The following EYS variants were observed in gnomAD, a reference collection of about 807,000 sequenced individuals.
EYS encodes protein eyes shut homolog.
Under a neutral mutation model 282.1 loss-of-function variants are expected in EYS, and 250 were observed. The ratio of observed to expected loss-of-function variants is 0.89; its 90% CI spans 0.80 to 0.98. EYS has a LOEUF of 0.98. Among genes scored for constraint, EYS ranks in the 50% least tolerant of loss-of-function variants. The pLI is 0.00. For synonymous variants in EYS, 1,355 were observed against 1,282.9 expected (o/e 1.06, Z -1.20); for missense variants, 4,016 against 3,709.0 (o/e 1.08, Z -2.15).
intron 26 of EYS, among the ~76,000 whole-genome samples, chr6:64,531,710 C>T (rs1446859278): frequency 3.3e-5 from 5 of 151,826 alleles, no homozygotes; most frequent in East Asian, 1.9e-4. Context: ...GGATTACAGG[C>T]GTGAGCCACC....
In EYS at chr6:64,188,623, A is replaced by T. The variant is rs114649792; in HGVS notation, c.6424+41969T>A. Among the ~76,000 whole-genome samples, 1,381 of 152,222 alleles carry T rather than the reference A, an allele frequency of 9.1e-3. 17 individuals carry two copies. The highest frequency in any genetic ancestry group is 0.031 in the African/African-American group (1,292 of 41,546). ...TCGGATAATTTAGCTGACATGACTG[A>T]CAAATGGTGGATACCCAACAATTTT... On this transcript the variant is annotated intron_variant, in intron 31 of 42. Coordinates refer to ENST00000503581, the MANE Select transcript of EYS (RefSeq NM_001142800.2).
Position 64,912,106 on chromosome 6 carries a change from C to A in EYS, c.2641+378G>T, listed in dbSNP as rs544298165. Among the ~76,000 whole-genome samples the A allele has an allele frequency of 9.0e-4, 137 of 152,154 alleles. 2 individuals are homozygous for A. Among genetic ancestry groups the A allele is most frequent in the Non-Finnish European group, 1.5e-3 (99 of 67,980 alleles). ...CTCCAGAAGAAAATGTACAATAGGG[C>A]ATTTCATTACCCCCAATTATACCTA... On this transcript the variant is annotated intron_variant, in intron 16 of 42. Transcript: ENST00000503581.
intron 29 of EYS, among the ~76,000 whole-genome samples, chr6:64,367,375 A>G (rs1772214784): frequency 6.6e-6 from 1 of 152,056 alleles, no homozygotes; most frequent in South Asian, 2.1e-4. Flanking sequence ...ACAACTAAAA[A>G]AATTATATAT....
intron 15 of EYS, among the ~76,000 whole-genome samples, chr6:64,930,334 T>C (rs1383658909): frequency 1.3e-5 from 2 of 152,168 alleles, no homozygotes; most frequent in South Asian, 4.1e-4. Flanking sequence ...CCTCCGGTTT[T>C]TGTGAAGGAA....
At chr6:65,232,975 C>T (rs1032638556) in intron 12 of EYS, among the ~76,000 whole-genome samples, 2 of 152,096 alleles carry the variant, frequency 1.3e-5, no homozygotes, top group Non-Finnish European at 2.9e-5. Context: ...TATTAGTCTG[C>T]TCCTGTGAAT....
chr6:63,733,898 A>G (rs1355545593), intron 41 of EYS, among the ~76,000 whole-genome samples: 1 of 152,192 alleles, frequency 6.6e-6, no homozygotes, highest in African/African-American at 2.4e-5. Flanking sequence ...CCAAAGGAAG[A>G]CATTATCCCT....
intron 1 of EYS, among the ~76,000 whole-genome samples, chr6:65,660,337 C>T (rs1324214464): frequency 6.6e-6 from 1 of 151,700 alleles, no homozygotes; most frequent in South Asian, 2.1e-4. Flanking sequence ...TCCTTTTAAG[C>T]TTTTCTGCTT....
intron 5 of EYS, among the ~76,000 whole-genome samples, chr6:65,455,061 A>G (rs1304614): frequency 0.19 from 28,118 of 151,954 alleles, 3,244 homozygotes; most frequent in Middle Eastern, 0.3. Flanking sequence ...ATTTTGATAG[A>G]GATTGTAATA....
At chr6:64,011,424 G>A (rs1424214092) in intron 33 of EYS, among the ~76,000 whole-genome samples, 1 of 152,116 alleles carries the variant, frequency 6.6e-6, no homozygotes, top group Non-Finnish European at 1.5e-5. Context: ...AGTTAACCAA[G>A]CCATTTGGAA....
chr6:65,386,244 A>G (rs1019337559), intron 7 of EYS, among the ~76,000 whole-genome samples: 2 of 151,754 alleles, frequency 1.3e-5, no homozygotes, highest in Admixed American at 1.3e-4. Flanking sequence ...AGACCCCCCA[A>G]ATACTATCTG....
At chr6:64,727,307 C>T (rs1362061675) in intron 22 of EYS, among the ~76,000 whole-genome samples, 1 of 152,092 alleles carries the variant, frequency 6.6e-6, no homozygotes, top group Non-Finnish European at 1.5e-5. Flanking sequence ...GATACAATTT[C>T]CTTCAGTTTT....
chr6:64,373,784 C>T (rs766802963), intron 29 of EYS, among the ~76,000 whole-genome samples: 1 of 152,084 alleles, frequency 6.6e-6, no homozygotes, highest in African/African-American at 2.4e-5. Context: ...GAAGCAGGAC[C>T]GTTGGACCAG....
intron 35 of EYS, among the ~76,000 whole-genome samples, chr6:63,874,610 G>C (rs1355105352): frequency 1.3e-5 from 2 of 152,126 alleles, no homozygotes; most frequent in Non-Finnish European, 2.9e-5. Flanking sequence ...TCCCGATATT[G>C]ATTCTTCCTA....
intron 12 of EYS, among the ~76,000 whole-genome samples, chr6:65,101,156 T>C (rs1774882575): frequency 1.3e-5 from 2 of 151,064 alleles, no homozygotes; most frequent in African/African-American, 4.8e-5. Context: ...AGCATTTATT[T>C]ACCTGAGAAC....
intron 18 of EYS, among the ~76,000 whole-genome samples, chr6:64,897,651 C>A (rs539719961): frequency 3.3e-4 from 50 of 152,300 alleles, no homozygotes; most frequent in Non-Finnish European, 5.6e-4. Context: ...TAATAACAAA[C>A]TCCTCTGAGC....
chr6:65,464,840 G>A (rs1284010435), intron 5 of EYS, among the ~76,000 whole-genome samples: 1 of 152,140 alleles, frequency 6.6e-6, no homozygotes, highest in Non-Finnish European at 1.5e-5. Context: ...AACTTACCTT[G>A]TGTTCCACGT....
chr6:63,953,518 A>C (rs1765686147), intron 35 of EYS, among the ~76,000 whole-genome samples: 1 of 152,128 alleles, frequency 6.6e-6, no homozygotes, highest in African/African-American at 2.4e-5. Flanking sequence ...CCTGCTAATC[A>C]TGTCTGGCTA....
chr6:65,275,135 G>T (rs927420711), intron 12 of EYS, among the ~76,000 whole-genome samples: 1 of 152,108 alleles, frequency 6.6e-6, no homozygotes, highest in African/African-American at 2.4e-5. Flanking sequence ...GCTCAAAACG[G>T]CAGTGACAGG....
intron 19 of EYS, among the ~76,000 whole-genome samples, chr6:64,853,250 T>A (rs1452440840): frequency 2.0e-5 from 3 of 152,140 alleles, no homozygotes; most frequent in African/African-American, 4.8e-5. Context: ...TCTTGTAAAG[T>A]CCTTATCTTA....
Sources: gnomAD v4.1 joint callset for allele counts (sites outside exome capture counted in the v4.1 genomes callset) on GRCh38, gnomAD v4.1.1 for gene constraint, MANE v1.5 for transcripts, NCBI Gene and HGNC (gene_info 2026-07-23, HGNC 2026-07-21) for gene names.